The following TRPC3 variants were observed in gnomAD, a reference collection of about 807,000 sequenced individuals.
TRPC3 encodes short transient receptor potential channel 3.
Under a neutral mutation model 90.9 loss-of-function variants are expected in TRPC3, and 54 were observed. That is an observed-to-expected ratio of 0.59 (90% CI 0.48 to 0.75). The LOEUF (loss-of-function observed/expected upper bound fraction) is 0.75. Among genes scored for constraint, TRPC3 ranks in the 30% least tolerant of loss-of-function variants. The probability of loss-of-function intolerance (pLI) is 0.00; values close to 1 mark genes in which losing one functional copy is unlikely to be tolerated. For synonymous variants in TRPC3, 424 were observed against 450.9 expected, an observed-to-expected ratio of 0.94 and a Z score of 0.75; for missense variants, 918 against 1,194.5, an observed-to-expected ratio of 0.77 and a Z score of 3.41.
intron 10 of TRPC3, among the ~76,000 whole-genome samples, chr4:121,893,581 C>A (rs1324175403): frequency 6.6e-6 from 1 of 151,928 alleles, no homozygotes; most frequent in Non-Finnish European, 1.5e-5. Flanking sequence ...AAATAATCTC[C>A]TATGGGGGAA....
At position 121,910,134 on chromosome 4, in the gene TRPC3, C is replaced by A; in HGVS notation, c.1792+20G>T. ...ATACCTTTCCCAAAACACAAGGGGA[C>A]CCTGAAGCTAACAACTTACCATAAG... On this transcript the variant is annotated intron_variant, in intron 6 of 11. Coordinates refer to ENST00000379645, the MANE Select transcript of TRPC3 (RefSeq NM_001130698.2). 1 of 1,604,314 alleles carries A rather than the reference C, an allele frequency of 6.2e-7. No homozygotes were observed. The highest frequency in any genetic ancestry group is 8.5e-7 in the Non-Finnish European group (1 of 1,171,664).
intron 10 of TRPC3, among the ~76,000 whole-genome samples, chr4:121,887,475 G>A (rs985601818): frequency 2.0e-5 from 3 of 152,160 alleles, no homozygotes; most frequent in Non-Finnish European, 1.5e-5. Flanking sequence ...CACTGTGAGT[G>A]GAGTTCAGGA....
intron 1 of TRPC3, among the ~76,000 whole-genome samples, chr4:121,945,371 A>G (rs1730447478): frequency 2.0e-5 from 3 of 152,212 alleles, no homozygotes; most frequent in African/African-American, 7.2e-5. Flanking sequence ...CAAGGAGAAC[A>G]AGGAATTGCA....
At chr4:121,944,182 G>A (rs1730414263) in intron 1 of TRPC3, among the ~76,000 whole-genome samples, 1 of 152,078 alleles carries the variant, frequency 6.6e-6, no homozygotes, top group Non-Finnish European at 1.5e-5. Flanking sequence ...GGGCAGTAGA[G>A]GGGAGAGGGT....
chr4:121,895,380 C>CA (rs1201428084), intron 10 of TRPC3, among the ~76,000 whole-genome samples: 1 of 151,162 alleles, frequency 6.6e-6, no homozygotes, highest in Non-Finnish European at 1.5e-5. Flanking sequence ...AAAATAAATA[C>CA]AAAAAATCAA....
chr4:121,902,862 G>T lies in TRPC3; in HGVS notation c.2453C>A (p.Ser818Ter). ...GTTTTCGATACCTACCCTGGACTTT[G>T]AGTTACCCATTCCCATTTCTATATC... ...QKDIEMGMGN[S>*]KSRLNLFTQS... is the part of the protein sequence containing the mutation. Residue 818 changes from serine (S) to a stop codon, truncating the protein, a stop_gained, in exon 9 of 12, where the codon TCA (serine) becomes TAA (stop). Coordinates refer to ENST00000379645, the MANE Select transcript of TRPC3 (RefSeq NM_001130698.2). LOFTEE classifies it high-confidence loss of function. 1 of 1,608,128 alleles carries T rather than the reference G, an allele frequency of 6.2e-7. No homozygotes were observed. Among genetic ancestry groups the T allele is most frequent in the Admixed American group, 1.7e-5 (1 of 58,946 alleles).
chr4:121,914,227 A>C (rs1729217059), intron 4 of TRPC3, among the ~76,000 whole-genome samples: 1 of 152,248 alleles, frequency 6.6e-6, no homozygotes, highest in Admixed American at 6.5e-5. Context: ...TAAATCCTAC[A>C]TTTTTAAGAA....
At chr4:121,926,308 C>A (rs2149137391) in intron 2 of TRPC3, among the ~76,000 whole-genome samples, 1 of 152,264 alleles carries the variant, frequency 6.6e-6, no homozygotes, top group East Asian at 1.9e-4. Context: ...AAAACCTTGT[C>A]TTTCTTTACC....
intron 9 of TRPC3, among the ~76,000 whole-genome samples, chr4:121,901,865 C>T (rs1451146549): frequency 6.6e-6 from 1 of 152,166 alleles, no homozygotes. Context: ...AAATCATGGG[C>T]TGTCACAACC....
intron 6 of TRPC3, 122 bp downstream of exon 6, chr4:121,910,032 C>T: frequency 1.4e-6 from 1 of 722,438 alleles, no homozygotes; most frequent in Non-Finnish European, 2.3e-6. Context: ...ATGCTTTCTC[C>T]ACTGTCCATA....
chr4:121,924,808 G>A (rs898898719), intron 3 of TRPC3, among the ~76,000 whole-genome samples: 4 of 152,176 alleles, frequency 2.6e-5, no homozygotes, highest in African/African-American at 9.7e-5. Context: ...CCAAAGCGCT[G>A]GGATTACAGG....
intron 10 of TRPC3, among the ~76,000 whole-genome samples, chr4:121,889,791 T>C (rs1306484356): frequency 6.6e-6 from 1 of 152,134 alleles, no homozygotes; most frequent in Non-Finnish European, 1.5e-5. Context: ...AGAACTACCA[T>C]ATGATCCAGC....
chr4:121,901,517 T>C (rs951160236), intron 9 of TRPC3, among the ~76,000 whole-genome samples: 5 of 152,260 alleles, frequency 3.3e-5, no homozygotes, highest in African/African-American at 1.2e-4. Context: ...TAGCTTCAAT[T>C]GTCTTATCTA....
At chr4:121,901,981 A>C (rs1578614551) in intron 9 of TRPC3, among the ~76,000 whole-genome samples, 1 of 152,326 alleles carries the variant, frequency 6.6e-6, no homozygotes, top group East Asian at 1.9e-4. Context: ...GAAGATTCAC[A>C]ACAATTTTAA....
chr4:121,929,015 C>G (rs575001634), intron 2 of TRPC3, among the ~76,000 whole-genome samples: 1 of 152,322 alleles, frequency 6.6e-6, no homozygotes, highest in East Asian at 1.9e-4. Flanking sequence ...CACTTTACCT[C>G]TCTGACATGA....
chr4:121,914,020 A>G (rs939717468), intron 4 of TRPC3, among the ~76,000 whole-genome samples: 1 of 152,246 alleles, frequency 6.6e-6, no homozygotes, highest in African/African-American at 2.4e-5. Flanking sequence ...AAAGGATCTC[A>G]GCACAGCTCC....
intron 6 of TRPC3, among the ~76,000 whole-genome samples, chr4:121,908,234 T>C (rs1282894562): frequency 6.6e-6 from 1 of 152,156 alleles, no homozygotes; most frequent in Non-Finnish European, 1.5e-5. Flanking sequence ...ATTATGTGGT[T>C]AATTGTGCAA....
At chr4:121,933,098 T>A (rs1483683691) in intron 1 of TRPC3, 56 bp from the exon 2 acceptor site, 22 of 1,507,976 alleles carry the variant, frequency 1.5e-5, no homozygotes, top group Non-Finnish European at 2.0e-5. Context: ...TTCCTTCCTT[T>A]CACATGTCAG....
chr4:121,900,669 T>C (rs777018981), intron 9 of TRPC3, among the ~76,000 whole-genome samples: 25 of 151,740 alleles, frequency 1.6e-4, no homozygotes, highest in Non-Finnish European at 3.1e-4. Flanking sequence ...AAAAGAGAAA[T>C]AGAAAAGTAT....
Sources: allele counts gnomAD v4.1 joint callset (sites outside exome capture counted in the v4.1 genomes callset), GRCh38; gene constraint gnomAD v4.1.1; transcripts MANE v1.5; gene names NCBI Gene and HGNC (gene_info 2026-07-23, HGNC 2026-07-21).